The following PRKN variants were observed in gnomAD, a reference collection of about 807,000 sequenced individuals.
PRKN encodes the protein E3 ubiquitin-protein ligase parkin.
A neutral mutation model predicts 59.5 loss-of-function variants in PRKN; 56 were observed. That is an observed-to-expected ratio of 0.94 (90% CI 0.76 to 1.18). PRKN has a LOEUF of 1.18. Ranked by LOEUF, PRKN falls within the 50% of genes most tolerant of loss-of-function variation. PRKN has a pLI of 0.00. For missense variants in PRKN, 657 were observed against 596.4 expected (o/e 1.10, Z -1.06); for synonymous variants, 250 against 222.1 (o/e 1.13, Z -1.12).
chr6:162,151,394 T>A (rs1225746008), intron 4 of PRKN, among the ~76,000 whole-genome samples: 1 of 152,240 alleles, frequency 6.6e-6, no homozygotes, highest in Non-Finnish European at 1.5e-5. Flanking sequence ...TTTAAACATA[T>A]GCCAGTCTCT....
chr6:161,535,567 C>T (rs944519073), intron 9 of PRKN, among the ~76,000 whole-genome samples: 7 of 152,208 alleles, frequency 4.6e-5, no homozygotes, highest in Non-Finnish European at 8.8e-5. Context: ...GGGCACATCG[C>T]ACCCCGAATA....
At chr6:162,213,804 T>C (rs565237113) in intron 3 of PRKN, among the ~76,000 whole-genome samples, 179 of 126,632 alleles carry the variant, frequency 1.4e-3, no homozygotes, top group Middle Eastern at 8.8e-3. Context: ...AAAAAAACCA[T>C]ACACACACAC....
At chr6:161,805,905 C>T (rs970515919) in intron 6 of PRKN, among the ~76,000 whole-genome samples, 4 of 152,124 alleles carry the variant, frequency 2.6e-5, no homozygotes, top group African/African-American at 4.8e-5. Context: ...AGCAAGTCCA[C>T]GTACACCTGT....
chr6:162,036,814 A>G (rs1783868351), intron 5 of PRKN, among the ~76,000 whole-genome samples: 1 of 152,218 alleles, frequency 6.6e-6, no homozygotes, highest in Non-Finnish European at 1.5e-5. Flanking sequence ...AACAAACTAT[A>G]AGAAATAATT....
intron 6 of PRKN, among the ~76,000 whole-genome samples, chr6:161,871,609 G>A (rs1794344511): frequency 1.3e-5 from 2 of 152,214 alleles, no homozygotes; most frequent in Non-Finnish European, 2.9e-5. Flanking sequence ...AACTGGACCA[G>A]CCAGAGCCCT....
chr6:162,725,607 A>C (rs1232522531), intron 1 of PRKN, among the ~76,000 whole-genome samples: 1 of 151,960 alleles, frequency 6.6e-6, no homozygotes, highest in South Asian at 2.1e-4. Context: ...AAAAACTATA[A>C]CAAAAAATTG....
chr6:162,265,649 C>A (rs145768555), intron 2 of PRKN, among the ~76,000 whole-genome samples: 1 of 152,254 alleles, frequency 6.6e-6, no homozygotes, highest in African/African-American at 2.4e-5. Flanking sequence ...TGAGATCTCA[C>A]CACTGCACTG....
intron 3 of PRKN, among the ~76,000 whole-genome samples, chr6:162,224,872 T>C (rs1178838479): frequency 6.6e-6 from 1 of 152,128 alleles, no homozygotes; most frequent in Non-Finnish European, 1.5e-5. Context: ...TGCAAAGCCA[T>C]TTTCTGATCA....
chr6:162,404,788 GTGATCTGC>G (rs1035849195), intron 2 of PRKN, among the ~76,000 whole-genome samples: 3 of 152,176 alleles, frequency 2.0e-5, no homozygotes, highest in Admixed American at 1.3e-4. Flanking sequence ...CTGACCTCAG[GTGATCTGC>G]CCGCCTCGGC....
intron 2 of PRKN, among the ~76,000 whole-genome samples, chr6:162,301,239 C>A (rs548648212): frequency 6.6e-6 from 1 of 152,076 alleles, no homozygotes; most frequent in Non-Finnish European, 1.5e-5. Flanking sequence ...AGTAAAGTAG[C>A]GCGTCCATGG....
chr6:162,427,654 C>G (rs6902967), intron 2 of PRKN, among the ~76,000 whole-genome samples: 1 of 142,088 alleles, frequency 7.0e-6, no homozygotes, highest in Non-Finnish European at 1.5e-5. Context: ...GTTTTTTTTT[C>G]TTTTTTTTTT....
chr6:162,156,378 C>T (rs988969756), intron 4 of PRKN, among the ~76,000 whole-genome samples: 1 of 152,140 alleles, frequency 6.6e-6, no homozygotes, highest in African/African-American at 2.4e-5. Context: ...CATCTGCAAG[C>T]TGAGGAGCAA....
rs1238717422 is a variant in PRKN at position 161,926,453 on chromosome 6, ACT to A, written c.734+46847_734+46848del. ...AGGGAACTTATCTGGCTTGGCGCAC[ACT>A]GTCTCTTCAGCCCTGGAGCACTTTG... On this transcript the variant is annotated intron_variant, in intron 6 of 11. Coordinates refer to ENST00000366898, the MANE Select transcript of PRKN (RefSeq NM_004562.3). Among the ~76,000 whole-genome samples, 3 of 152,328 alleles carry A rather than the reference ACT, an allele frequency of 2.0e-5. 1 individual carries two copies. The East Asian group carries it at 5.8e-4, about 29-fold the overall frequency.
intron 2 of PRKN, among the ~76,000 whole-genome samples, chr6:162,326,404 GA>G (rs1489479563): frequency 2.0e-5 from 3 of 151,762 alleles, no homozygotes; most frequent in African/African-American, 4.8e-5. Flanking sequence ...GCCTTAGGAT[GA>G]AAAAAAATCA....
In PRKN at chr6:161,394,951, T is replaced by A. The variant is rs144642315; in HGVS notation, c.1084-8074A>T. ...AACTTAAAAATGTGTATTGGCCATT[T>A]ATTTTTTTCTTTTCTTTAAGAGCGT... On this transcript the variant is annotated intron_variant, in intron 9 of 11. Coordinates refer to ENST00000366898, the MANE Select transcript of PRKN (RefSeq NM_004562.3). Among the ~76,000 whole-genome samples the A allele has an allele frequency of 4.9e-4, 74 of 152,364 alleles. 1 individual carries two copies. The highest frequency in any genetic ancestry group is 1.6e-3 in the African/African-American group (67 of 41,574).
chr6:161,551,799 A>G lies in PRKN; in HGVS notation c.934-2796T>C, dbSNP rs1000562016. On this transcript the variant is annotated intron_variant, in intron 8 of 11. Coordinates refer to ENST00000366898, the MANE Select transcript of PRKN (RefSeq NM_004562.3). This position sits in a 1 kb window ranked among gnomAD's most constrained non-coding sequence, Gnocchi z 5.2. ...GATTTTCGAAAATGGAGAAATAACG[A>G]TATGATACTATGCTGAAGGCAGGAC... Among the ~76,000 whole-genome samples, 1 of 152,218 alleles carries G rather than the reference A, an allele frequency of 6.6e-6. No homozygotes were observed. Among genetic ancestry groups the G allele is most frequent in the African/African-American group, 2.4e-5 (1 of 41,458 alleles).
chr6:162,145,613 G>A (rs1476712227), intron 4 of PRKN, among the ~76,000 whole-genome samples: 1 of 152,162 alleles, frequency 6.6e-6, no homozygotes, highest in Non-Finnish European at 1.5e-5. Flanking sequence ...ACACTCCACA[G>A]TGTGGGAGTG....
chr6:162,444,031 C>G (rs1173853515), intron 1 of PRKN, among the ~76,000 whole-genome samples: 1 of 152,074 alleles, frequency 6.6e-6, no homozygotes, highest in Non-Finnish European at 1.5e-5. Context: ...TATTTGCCCT[C>G]TTTTTGGCAG....
intron 7 of PRKN, among the ~76,000 whole-genome samples, chr6:161,612,589 C>G (rs951346995): frequency 1.3e-5 from 2 of 151,828 alleles, no homozygotes; most frequent in Non-Finnish European, 1.5e-5. Flanking sequence ...GGCGTGGTGG[C>G]GTGAGCCTGT....
Sources: gnomAD v4.1 joint callset for allele counts (sites outside exome capture counted in the v4.1 genomes callset) on GRCh38, gnomAD v4.1.1 for gene constraint, Gnocchi (gnomAD v3.1) non-coding constraint, MANE v1.5 for transcripts, NCBI Gene and HGNC (gene_info 2026-07-23, HGNC 2026-07-21) for gene names.